AKAP7: variants seen among roughly 807,000 people sequenced by gnomAD.
AKAP7 encodes the protein A kinase (PRKA) anchor protein 7.
In AKAP7, 39 loss-of-function variants were observed where a neutral mutation model predicts 39.5. The ratio of observed to expected loss-of-function variants is 0.99; its 90% CI spans 0.76 to 1.29. AKAP7 has a LOEUF of 1.29. Ranked by LOEUF, AKAP7 falls within the 50% of genes most tolerant of loss-of-function variation. The pLI is 0.00. For missense variants in AKAP7, 414 were observed against 407.7 expected, an observed-to-expected ratio of 1.02 and a Z score of -0.13; for synonymous variants, 140 against 139.1, an observed-to-expected ratio of 1.01 and a Z score of -0.05.
chr6:131,127,202 T>A, the AKAP7 span, among the ~76,000 whole-genome samples: 1 of 152,024 alleles, frequency 6.6e-6, no homozygotes, highest in Admixed American at 6.6e-5. Context: ...TATGCTACCA[T>A]GACCGGTTAA....
chr6:131,224,730 C>CT (rs779047229), intron 7 of AKAP7, among the ~76,000 whole-genome samples: 3,656 of 55,110 alleles, frequency 0.066, 1,187 homozygotes, highest in Non-Finnish European at 0.088. Context: ...AGTTGATTCA[C>CT]TTTTTTTTTT....
At chr6:131,242,790 G>A (rs983290783) in intron 7 of AKAP7, among the ~76,000 whole-genome samples, 4 of 152,112 alleles carry the variant, frequency 2.6e-5, no homozygotes, top group South Asian at 2.1e-4. Flanking sequence ...AGTCTGCTGG[G>A]GACCTCAGCA....
chr6:131,278,453 C>T (rs966940330), intron 7 of AKAP7, among the ~76,000 whole-genome samples: 5 of 152,080 alleles, frequency 3.3e-5, no homozygotes, highest in African/African-American at 1.2e-4. Flanking sequence ...TCATCAGTTC[C>T]AGCTAGTATA....
intron 7 of AKAP7, among the ~76,000 whole-genome samples, chr6:131,277,248 C>CT (rs1814821560): frequency 1.3e-5 from 2 of 152,080 alleles, no homozygotes; most frequent in Non-Finnish European, 2.9e-5. Context: ...CATGACTTTT[C>CT]TTTTATATTT....
Position 131,281,739 on chromosome 6 carries a change from G to C in AKAP7, c.*13G>C, listed in dbSNP as rs762608109. The C allele has an allele frequency of 6.3e-7, 1 of 1,584,418 alleles. No individual in the cohort carries two copies. The highest frequency in any genetic ancestry group is 1.7e-5 in the Admixed American group (1 of 57,516). ...CAACAGGAAATGAGCCCGGAACGCA[G>C]GCCCCCATGTCTCTGTGCAAAGCCT... is the stretch of plus-strand genomic sequence containing the variant. On this transcript the variant is annotated 3_prime_UTR_variant, in exon 8 of 8. Transcript: ENST00000431975. This position sits in a 1 kb window ranked among gnomAD's most constrained non-coding sequence, Gnocchi z 4.0.
At chr6:131,253,089 A>G in intron 7 of AKAP7, 1 of 1,613,462 alleles carries the variant, frequency 6.2e-7, no homozygotes, top group Non-Finnish European at 8.5e-7. Flanking sequence ...GCAAGGATAT[A>G]CCCAGTTGGT....
chr6:131,278,638 C>T (rs997855284), intron 7 of AKAP7, among the ~76,000 whole-genome samples: 1 of 152,128 alleles, frequency 6.6e-6, no homozygotes, highest in Non-Finnish European at 1.5e-5. Flanking sequence ...GCATATCTTA[C>T]ACGGCCAGAG....
chr6:131,233,240 A>G (rs1047716059), intron 7 of AKAP7, among the ~76,000 whole-genome samples: 4 of 152,198 alleles, frequency 2.6e-5, no homozygotes, highest in Admixed American at 1.3e-4. Context: ...ATTGGAGAGT[A>G]TGTAGAATAG....
At position 131,282,819 on chromosome 6, in the gene AKAP7, TGA is replaced by T. The variant is rs1815307912; in HGVS notation, c.*1097_*1098del. ...TTTAGAATATCTGTTTCTGTAATAT[TGA>T]GAGTTATTTTATAGAAATGATTTCT... On this transcript the variant is annotated 3_prime_UTR_variant, in exon 8 of 8. Transcript: ENST00000431975. The T allele has an allele frequency of 4.5e-6, 2 of 440,646 alleles. No individual in the cohort carries two copies. Among genetic ancestry groups the T allele is most frequent in the East Asian group, 3.5e-5 (1 of 28,652 alleles). The allele number at this position is 440,646 out of a possible 1,614,324, so 27.3% of individuals were successfully genotyped here. A position where few individuals can be genotyped will look rare whatever the true frequency, so the allele number is the denominator to read the frequency against.
At chr6:131,254,985 A>G (rs1013737676) in intron 7 of AKAP7, among the ~76,000 whole-genome samples, 18 of 152,168 alleles carry the variant, frequency 1.2e-4, no homozygotes, top group African/African-American at 3.4e-4. Flanking sequence ...ATGTCTGGTG[A>G]ATACATATAT....
chr6:131,160,009 TTA>T (rs1802800116), intron 2 of AKAP7, 48 bp from the exon 3 acceptor site: 1 of 1,453,282 alleles, frequency 6.9e-7, no homozygotes, highest in Admixed American at 2.5e-5. Context: ...TCTGACTGTA[TTA>T]TCTTTGTTTA....
chr6:131,143,076 A>G (rs1436637731), intron 1 of AKAP7, among the ~76,000 whole-genome samples: 1 of 152,172 alleles, frequency 6.6e-6, no homozygotes, highest in Non-Finnish European at 1.5e-5. Flanking sequence ...TTTTGATTTT[A>G]CAGGCTCATA....
chr6:131,215,106 GCAT>G (rs1422702580), intron 6 of AKAP7, among the ~76,000 whole-genome samples: 2 of 149,808 alleles, frequency 1.3e-5, no homozygotes, highest in East Asian at 3.9e-4. Flanking sequence ...ATGATAGATG[GCAT>G]CATTTTTTTT....
rs144161470 is a variant in AKAP7 at position 131,169,806 on chromosome 6, T to TA, written c.589+534dup. Reference sequence around the variant, plus strand: ...TAGCCTACATGCTGTGAGAAATTTTTATTTTCACTTCATTTCATGTCATGT... The same window carrying TA: ...TAGCCTACATGCTGTGAGAAATTTTTAATTTTCACTTCATTTCATGTCATGT... On this transcript the variant is annotated intron_variant, in intron 5 of 7. Transcript: ENST00000431975. Among the ~76,000 whole-genome samples the TA allele has an allele frequency of 7.4e-3, 1,128 of 151,672 alleles. 16 individuals are homozygous for TA. Among genetic ancestry groups the TA allele is most frequent in the African/African-American group, 0.026 (1,097 of 41,500 alleles).
intron 7 of AKAP7, among the ~76,000 whole-genome samples, chr6:131,268,166 T>C (rs1813966235): frequency 1.3e-5 from 2 of 152,232 alleles, no homozygotes; most frequent in Non-Finnish European, 1.5e-5. Context: ...TCATTAATTA[T>C]GTGCTATTTC....
upstream of AKAP7, among the ~76,000 whole-genome samples, chr6:131,133,644 AC>A (rs1800376299): frequency 6.6e-6 from 1 of 152,240 alleles, no homozygotes; most frequent in Non-Finnish European, 1.5e-5. Context: ...GGTACACACC[AC>A]AGGGGAAGAA....
intron 2 of AKAP7, among the ~76,000 whole-genome samples, chr6:131,153,782 A>G (rs1802153934): frequency 6.6e-6 from 1 of 152,216 alleles, no homozygotes; most frequent in Admixed American, 6.5e-5. Flanking sequence ...TAAAGAATGT[A>G]CTATACATGG....
the AKAP7 span, among the ~76,000 whole-genome samples, chr6:131,125,659 G>A: frequency 6.6e-6 from 1 of 152,110 alleles, no homozygotes; most frequent in South Asian, 2.1e-4. Flanking sequence ...TACAGCAAGT[G>A]GCTTAGGCAG....
At chr6:131,244,173 C>T (rs971142980) in intron 7 of AKAP7, among the ~76,000 whole-genome samples, 7 of 152,056 alleles carry the variant, frequency 4.6e-5, no homozygotes, top group Admixed American at 4.6e-4. Context: ...CCTTTGTTCT[C>T]CTGTTACTGT....
Sources: allele counts gnomAD v4.1 joint callset (sites outside exome capture counted in the v4.1 genomes callset), GRCh38; gene constraint gnomAD v4.1.1; non-coding constraint Gnocchi (gnomAD v3.1); transcripts MANE v1.5; gene names NCBI Gene and HGNC (gene_info 2026-07-23, HGNC 2026-07-21).